The following NFE2L3 variants were observed in gnomAD, a reference collection of about 807,000 sequenced individuals.
NFE2L3 encodes NFE2 like bZIP transcription factor 3, also known as nuclear factor erythroid 2-related factor 3.
Under a neutral mutation model 23.5 loss-of-function variants are expected in NFE2L3, and 18 were observed. The ratio of observed to expected loss-of-function variants is 0.77; its 90% CI spans 0.53 to 1.13. NFE2L3 has a LOEUF of 1.13. NFE2L3 is among the 50% of genes most tolerant of loss of function. NFE2L3 has a pLI of 0.00. For missense variants in NFE2L3, 1,152 were observed against 877.2 expected (o/e 1.31, Z -3.96); for synonymous variants, 424 against 354.5 (o/e 1.20, Z -2.20).
At chr7:26,169,635 T>G (rs565138473) in intron 1 of NFE2L3, among the ~76,000 whole-genome samples, 1 of 152,382 alleles carries the variant, frequency 6.6e-6, no homozygotes, top group African/African-American at 2.4e-5. Flanking sequence ...ATTTATCACT[T>G]ACAATGCTTG....
At chr7:26,177,731 A>T (rs1224024661) in intron 1 of NFE2L3, among the ~76,000 whole-genome samples, 1 of 152,266 alleles carries the variant, frequency 6.6e-6, no homozygotes, top group African/African-American at 2.4e-5. Context: ...TTATAAGTGC[A>T]TGTTAATTTA....
chr7:26,152,815 C>CCAGCGTGGATGCATGGCTGGTGCA lies in NFE2L3; in HGVS notation c.326_349dup (p.Asp109_Val116dup). The CCAGCGTGGATGCATGGCTGGTGCA allele has an allele frequency of 2.0e-6, 3 of 1,487,748 alleles. No individual in the cohort carries two copies. The highest frequency in any genetic ancestry group is 1.5e-5 in the African/African-American group (1 of 68,586). 92.2% of individuals were successfully genotyped at this position (1,487,748 alleles called of 1,614,324 possible). On this transcript the variant is annotated inframe_insertion, in exon 1 of 4. Transcript: ENST00000056233. This position sits in a 1 kb window ranked among gnomAD's most constrained non-coding sequence, Gnocchi z 4.4. ...CTCGGGGTCCCCTTCGTCCCTCGCA[C>CCAGCGTGGATGCATGGCTGGTGCA]CAGCGTGGATGCATGGCTGGTGCAC...
intron 1 of NFE2L3, among the ~76,000 whole-genome samples, chr7:26,175,384 T>C (rs1412394103): frequency 6.6e-6 from 1 of 151,666 alleles, no homozygotes; most frequent in Non-Finnish European, 1.5e-5. Context: ...CAATATGTGT[T>C]TGTTGTAAAA....
intron 1 of NFE2L3, among the ~76,000 whole-genome samples, chr7:26,159,642 G>C (rs769176609): frequency 9.2e-5 from 14 of 152,200 alleles, no homozygotes; most frequent in Non-Finnish European, 1.6e-4. Context: ...GTCTCAACTA[G>C]AAAGTAGGTC....
chr7:26,153,084 G>A lies in NFE2L3; in HGVS notation c.570+16G>A, dbSNP rs1318015760. 7 of 1,512,218 alleles carry A rather than the reference G, an allele frequency of 4.6e-6. No homozygotes were observed. Among genetic ancestry groups the A allele is most frequent in the East Asian group, 2.7e-5 (1 of 37,654 alleles). 93.7% of individuals were successfully genotyped at this position (1,512,218 alleles called of 1,614,324 possible). On this transcript the variant is annotated intron_variant, in intron 1 of 3. Transcript: ENST00000056233. ...TGCGAGCGAGGTAGGTGCAGAGCGG[G>A]AAGCGAGCGAAGTGCGGCGTCTACG...
At chr7:26,175,192 CAAAAAAAAA>C (rs55911511) in intron 1 of NFE2L3, among the ~76,000 whole-genome samples, 1 of 101,806 alleles carries the variant, frequency 9.8e-6, no homozygotes, top group Non-Finnish European at 2.1e-5. Flanking sequence ...TAAAAAATAC[CAAAAAAAAA>C]AAAAAAAAAA....
At position 26,185,129 on chromosome 7, in the gene NFE2L3, C is replaced by A; in HGVS notation, c.1431C>A (p.His477Gln). 1 of 1,613,902 alleles carries A rather than the reference C, an allele frequency of 6.2e-7. No homozygotes were observed. Among genetic ancestry groups the A allele is most frequent in the Non-Finnish European group, 8.5e-7 (1 of 1,179,834 alleles). ...ACCCAGAACCCAGTAAGCTTTGTCA[C>A]TTGGATCAAAGTGATTCTGATTTCC... ...GYYPEPSKLC[H>Q]LDQSDSDFHG... The change falls in exon 4 of 4, where the codon CAC becomes CAA. Residue 477 changes from histidine to glutamine, a missense_variant. Physicochemically the swap from His to Gln is conservative, Grantham distance 24 (BLOSUM62 0). Coordinates refer to ENST00000056233, the MANE Select transcript of NFE2L3 (RefSeq NM_004289.7).
intron 2 of NFE2L3, among the ~76,000 whole-genome samples, chr7:26,183,252 T>C (rs567714328): frequency 2.7e-4 from 41 of 152,220 alleles, no homozygotes; most frequent in African/African-American, 9.4e-4. Context: ...CTGAGTACCA[T>C]AATCAGAGAA....
intron 1 of NFE2L3, among the ~76,000 whole-genome samples, chr7:26,165,786 G>T (rs2128098321): frequency 1.3e-5 from 2 of 152,252 alleles, no homozygotes; most frequent in East Asian, 3.9e-4. Context: ...CTGTGGGTTT[G>T]TCATAGATAG....
intron 1 of NFE2L3, among the ~76,000 whole-genome samples, chr7:26,176,511 G>GTGGC (rs1393473605): frequency 5.4e-4 from 66 of 123,066 alleles, no homozygotes; most frequent in East Asian, 2.1e-3. Context: ...CAGACGATGG[G>GTGGC]CAGCCGGGCA....
At chr7:26,157,523 T>TA (rs1287283444) in intron 1 of NFE2L3, among the ~76,000 whole-genome samples, 2 of 152,212 alleles carry the variant, frequency 1.3e-5, no homozygotes, top group East Asian at 3.9e-4. Flanking sequence ...CATTTCAGAA[T>TA]AAAAAATAGT....
In NFE2L3 at chr7:26,152,320, C is replaced by G. The variant is rs1486280058; in HGVS notation, c.-179C>G. The G allele has an allele frequency of 3.2e-6, 1 of 311,310 alleles. No individual in the cohort carries two copies. The highest frequency in any genetic ancestry group is 1.5e-4 in the South Asian group (1 of 6,606). 19.3% of individuals were successfully genotyped at this position (311,310 alleles called of 1,614,324 possible). A position where few individuals can be genotyped will look rare whatever the true frequency, so the allele number is the denominator to read the frequency against. ...GGCACGGTGCCGGCTGCCGAGGGAA[C>G]GCCTTTGTGCCCGGTGCTGGGAACC... is the stretch of plus-strand genomic sequence containing the variant. On this transcript the variant is annotated 5_prime_UTR_variant, in exon 1 of 4. Transcript: ENST00000056233. This position sits in a 1 kb window ranked among gnomAD's most constrained non-coding sequence, Gnocchi z 4.4.
chr7:26,170,850 G>C (rs1360440233), intron 1 of NFE2L3, among the ~76,000 whole-genome samples: 1 of 152,062 alleles, frequency 6.6e-6, no homozygotes, highest in East Asian at 1.9e-4. Flanking sequence ...CTTGAGCCTA[G>C]AAGTTTTGAA....
intron 1 of NFE2L3, among the ~76,000 whole-genome samples, chr7:26,161,365 G>T (rs11770841): frequency 0.17 from 5,893 of 33,840 alleles, 790 homozygotes; most frequent in East Asian, 0.26. Flanking sequence ...TTTTTTTTTT[G>T]GGTCTTACCT....
rs115897224 is a variant in NFE2L3 at position 26,154,279 on chromosome 7, A to G, written c.570+1211A>G. On this transcript the variant is annotated intron_variant, in intron 1 of 3. Transcript: ENST00000056233. ...AGGTTCTTCCCCACTCACTCATCCA[A>G]TCTGGACCCCATGGGGTCTGTCTCA... is the stretch of plus-strand genomic sequence containing the variant. 7.1e-3 allele frequency among the ~76,000 whole-genome samples: 1,083 copies of G among 152,252 alleles called. 14 individuals are homozygous for G. Among genetic ancestry groups the G allele is most frequent in the African/African-American group, 0.025 (1,046 of 41,534 alleles).
chr7:26,155,757 T>C (rs1784072755), intron 1 of NFE2L3, among the ~76,000 whole-genome samples: 1 of 152,206 alleles, frequency 6.6e-6, no homozygotes, highest in Non-Finnish European at 1.5e-5. Flanking sequence ...AAAACAACAC[T>C]GGTCTTTGCG....
intron 1 of NFE2L3, among the ~76,000 whole-genome samples, chr7:26,166,598 T>TA (rs1784255389): frequency 6.6e-6 from 1 of 152,310 alleles, no homozygotes; most frequent in Admixed American, 6.5e-5. Context: ...ATACCTACCT[T>TA]ACAGGGATGC....
intron 2 of NFE2L3, among the ~76,000 whole-genome samples, chr7:26,180,978 TG>T (rs1784496545): frequency 6.6e-6 from 1 of 152,086 alleles, no homozygotes; most frequent in East Asian, 1.9e-4. Context: ...TTTTTTTTTT[TG>T]AGGAAGGCGG....
rs781284200 is a variant in NFE2L3 at position 26,185,572 on chromosome 7, C to CACAATGTA, written c.1879_1886dup (p.Lys629AsnfsTer8). Reference sequence around the variant, plus strand: ...AAGGAAACTCTTAAGAGAGAGCAAGCACAATGTAACAAAGCTATTAACATA... The same window carrying CACAATGTA: ...AAGGAAACTCTTAAGAGAGAGCAAGCACAATGTAACAATGTAACAAAGCTATTAACATA... On this transcript the variant is annotated frameshift_variant, in exon 4 of 4. Transcript: ENST00000056233. LOFTEE classifies it high-confidence loss of function. The CACAATGTA allele has an allele frequency of 1.2e-6, 2 of 1,613,738 alleles. No homozygotes were observed. Among genetic ancestry groups the CACAATGTA allele is most frequent in the East Asian group, 4.5e-5 (2 of 44,884 alleles).
Sources: gnomAD v4.1 joint callset for allele counts (sites outside exome capture counted in the v4.1 genomes callset) on GRCh38, gnomAD v4.1.1 for gene constraint, Gnocchi (gnomAD v3.1) non-coding constraint, MANE v1.5 for transcripts, NCBI Gene and HGNC (gene_info 2026-07-23, HGNC 2026-07-21) for gene names.